MAST4: variants seen among roughly 807,000 people sequenced by gnomAD.
MAST4 encodes the protein microtubule-associated serine/threonine-protein kinase 4.
A neutral mutation model predicts 162.7 loss-of-function variants in MAST4; 89 were observed. The ratio of observed to expected loss-of-function variants is 0.55; its 90% confidence interval spans 0.46 to 0.65. The LOEUF (loss-of-function observed/expected upper bound fraction) is 0.65, where lower values mean the gene tolerates loss of function less well. MAST4 is among the 30% of genes least tolerant of loss of function. The pLI, the probability that MAST4 is intolerant of heterozygous loss-of-function variation, is 0.00. For synonymous variants in MAST4, 1,479 were observed against 1,361.1 expected, an observed-to-expected ratio of 1.09 and a Z score of -1.91; for missense variants, 3,153 against 3,374.0, an observed-to-expected ratio of 0.93 and a Z score of 1.62.
rs1235394426 is a variant in MAST4, at chr5:67,164,036, G to A, written c.4857G>A (p.Ala1619=). The A allele has an allele frequency of 6.3e-6, 10 of 1,582,452 alleles. No individual in the cohort carries two copies. The highest frequency in any genetic ancestry group is 5.4e-5 in the African/African-American group (4 of 74,006). The change falls in exon 29 of 29, where the codon GCG becomes GCA. Residue 1619 remains alanine, a synonymous_variant. Coordinates refer to ENST00000403625, the MANE Select transcript of MAST4 (RefSeq NM_001164664.2). This position sits in a 1 kb window ranked among gnomAD's most constrained non-coding sequence, Gnocchi z 5.3. ...CCAGCGTGCGCGCCAGCGAGGGTGC[G>A]ATGTCGGATGGCCGGGTGCCTGCGG... ...KQASVRASEG[A]MSDGRVPAEH...
chr5:66,632,480 T>G (rs1259767568), intron 1 of MAST4, among the ~76,000 whole-genome samples: 1 of 151,906 alleles, frequency 6.6e-6, no homozygotes, highest in Non-Finnish European at 1.5e-5. Context: ...GCAGTGTTTG[T>G]CTAATGTGGT....
At chr5:66,895,980 A>G (rs1762658355) in intron 3 of MAST4, among the ~76,000 whole-genome samples, 1 of 152,186 alleles carries the variant, frequency 6.6e-6, no homozygotes, top group South Asian at 2.1e-4. Context: ...TGACTTTAAC[A>G]TTGGTACATT....
chr5:67,127,439 A>G (rs1768386778), intron 14 of MAST4, among the ~76,000 whole-genome samples: 1 of 152,176 alleles, frequency 6.6e-6, no homozygotes, highest in African/African-American at 2.4e-5. Flanking sequence ...AGTTTTTAGC[A>G]TGAAGGGCTG....
rs1412625390 is a variant in MAST4, at chr5:67,166,108, C to T, written c.6929C>T (p.Pro2310Leu). 1 of 1,610,346 alleles carries T rather than the reference C, an allele frequency of 6.2e-7. No individual in the cohort carries two copies. The highest frequency in any genetic ancestry group is 8.5e-7 in the Non-Finnish European group (1 of 1,178,258). The change falls in exon 29 of 29, where the codon CCA (proline) becomes CTA (leucine). Residue 2310 changes from proline to leucine, a missense_variant. Pro to Leu is a moderately conservative substitution (Grantham distance 98, BLOSUM62 -3). This residue lies in a region of MAST4 where 1,644 missense variants were observed against 1,495.0 expected (regional missense o/e 1.10). Coordinates refer to ENST00000403625, the MANE Select transcript of MAST4 (RefSeq NM_001164664.2). Reference sequence around the variant, plus strand: ...GTGCATTTGCCAAGGCCGGGACACCCAGGGCCTAGTGAGCCAGCGGACCAG... The same window carrying T: ...GTGCATTTGCCAAGGCCGGGACACCTAGGGCCTAGTGAGCCAGCGGACCAG... ...KPVHLPRPGHPGPSEPADQKL... is the reference protein window; with the variant it reads ...KPVHLPRPGHLGPSEPADQKL...
intron 4 of MAST4, among the ~76,000 whole-genome samples, chr5:66,970,104 T>C (rs1032195548): frequency 6.6e-6 from 1 of 152,072 alleles, no homozygotes; most frequent in Admixed American, 6.5e-5. Context: ...CCTGTGGGTG[T>C]GGGGCTGGGG....
intron 1 of MAST4, among the ~76,000 whole-genome samples, chr5:66,631,278 T>G (rs917051698): frequency 3.3e-5 from 5 of 152,204 alleles, no homozygotes; most frequent in African/African-American, 9.6e-5. Flanking sequence ...GTCCTTTACC[T>G]GTGTCCTAGA....
chr5:67,056,388 T>A (rs1758830396), intron 5 of MAST4, among the ~76,000 whole-genome samples: 1 of 152,210 alleles, frequency 6.6e-6, no homozygotes, highest in Non-Finnish European at 1.5e-5. Flanking sequence ...GTATGCTAGA[T>A]GCTAAGTGAA....
chr5:66,780,891 C>G (rs929930225), intron 2 of MAST4, among the ~76,000 whole-genome samples: 2 of 152,192 alleles, frequency 1.3e-5, no homozygotes, highest in African/African-American at 4.8e-5. Context: ...GTTTACAATC[C>G]TCTAGCTAGA....
intron 4 of MAST4, among the ~76,000 whole-genome samples, chr5:66,977,249 C>T (rs775522181): frequency 3.9e-5 from 6 of 152,016 alleles, no homozygotes; most frequent in Non-Finnish European, 7.4e-5. Context: ...TACAGGCATG[C>T]GCCACCACGC....
chr5:66,600,075 C>T (rs1742458019), intron 1 of MAST4, among the ~76,000 whole-genome samples: 1 of 152,134 alleles, frequency 6.6e-6, no homozygotes. Flanking sequence ...CAGAGTTTGA[C>T]TTATTTTTTA....
intron 4 of MAST4, among the ~76,000 whole-genome samples, chr5:66,973,935 G>A (rs1363013141): frequency 1.3e-5 from 2 of 152,166 alleles, no homozygotes; most frequent in South Asian, 2.1e-4. Context: ...AGCTCTTTAA[G>A]CTGGCTCCTG....
intron 3 of MAST4, among the ~76,000 whole-genome samples, chr5:66,808,224 G>C (rs1756300782): frequency 6.6e-6 from 1 of 152,166 alleles, no homozygotes; most frequent in African/African-American, 2.4e-5. Context: ...AGGTTGTTAG[G>C]TAGTTTTTTA....
At position 67,163,072 on chromosome 5, in the gene MAST4, C is replaced by T. The variant is rs147113948; in HGVS notation, c.3968-75C>T. ...TGATCTTACCTGGCCTTACCTAATA[C>T]AGTCTGGGCTACAACTGTGAAAAAA... On this transcript the variant is annotated intron_variant, in intron 28 of 28. Coordinates refer to ENST00000403625, the MANE Select transcript of MAST4 (RefSeq NM_001164664.2). The surrounding 1 kb of genome is among the most constrained non-coding windows in gnomAD (Gnocchi z 7.0). 645 of 1,473,166 alleles carry T rather than the reference C, an allele frequency of 4.4e-4. 5 individuals carry two copies. In the East Asian group the frequency reaches 0.013, roughly 29 times the overall value. The allele number at this position is 1,473,166 out of a possible 1,614,324, so 91.3% of individuals were successfully genotyped here.
intron 3 of MAST4, among the ~76,000 whole-genome samples, chr5:66,838,184 T>C (rs149889715): frequency 1.6e-4 from 25 of 152,150 alleles, no homozygotes; most frequent in Non-Finnish European, 2.9e-4. Context: ...CAGGGCATGA[T>C]GAGACAGTTG....
At chr5:66,704,564 G>T (rs572389647) in intron 1 of MAST4, among the ~76,000 whole-genome samples, 2 of 140,534 alleles carry the variant, frequency 1.4e-5, no homozygotes, top group Non-Finnish European at 3.0e-5. Context: ...GCAGTGGCAC[G>T]ATCTCGGCTC....
chr5:67,060,680 T>C (rs1581392337), intron 5 of MAST4, among the ~76,000 whole-genome samples: 1 of 152,116 alleles, frequency 6.6e-6, no homozygotes, highest in East Asian at 1.9e-4. Flanking sequence ...GGTTTTATCA[T>C]GTTACCCAGG....
chr5:66,780,540 G>A (rs1191370605), intron 2 of MAST4, among the ~76,000 whole-genome samples: 3 of 152,160 alleles, frequency 2.0e-5, no homozygotes, highest in South Asian at 2.1e-4. Flanking sequence ...CTTAAAGGTC[G>A]TGCGGACCCA....
At chr5:67,094,027 G>C in intron 6 of MAST4, 1 of 506,138 alleles carries the variant, frequency 2.0e-6, no homozygotes, top group South Asian at 4.7e-5. Context: ...AACATTTTCA[G>C]TTGTTTAAAA....
At chr5:66,857,970 T>A (rs1048312853) in intron 3 of MAST4, among the ~76,000 whole-genome samples, 4 of 152,078 alleles carry the variant, frequency 2.6e-5, no homozygotes, top group Non-Finnish European at 5.9e-5. Flanking sequence ...TTTTTTTATT[T>A]TTTTGAGATG....
Sources: allele counts gnomAD v4.1 joint callset (sites outside exome capture counted in the v4.1 genomes callset), GRCh38; gene constraint gnomAD v4.1.1; regional missense constraint gnomAD v4.1.1; non-coding constraint Gnocchi (gnomAD v3.1); transcripts MANE v1.5; gene names NCBI Gene and HGNC (gene_info 2026-07-23, HGNC 2026-07-21).